Variants in DCAKD observed in about 807,000 individuals in gnomAD.
DCAKD encodes dephospho-CoA kinase domain containing, also known as dephospho-CoA kinase domain-containing protein.
A neutral mutation model predicts 18.7 loss-of-function variants in DCAKD; 15 were observed. The ratio of observed to expected loss-of-function variants is 0.80; its 90% CI spans 0.54 to 1.24. The LOEUF (loss-of-function observed/expected upper bound fraction) is 1.24. DCAKD is among the 50% of genes most tolerant of loss of function. DCAKD has a pLI of 0.00. For missense variants in DCAKD, 301 were observed against 322.0 expected, an observed-to-expected ratio of 0.93 and a Z score of 0.50; for synonymous variants, 130 against 133.0, an observed-to-expected ratio of 0.98 and a Z score of 0.16.
chr17:45,033,509 C>T (rs192807832), intron 3 of DCAKD, among the ~76,000 whole-genome samples: 1 of 152,128 alleles, frequency 6.6e-6, no homozygotes, highest in Admixed American at 6.6e-5. Context: ...GTTGCCCAGA[C>T]AGTCTGAGTA....
intron 1 of DCAKD, among the ~76,000 whole-genome samples, chr17:45,043,711 G>A (rs59963802): frequency 3.9e-5 from 6 of 152,166 alleles, no homozygotes; most frequent in Non-Finnish European, 4.4e-5. Flanking sequence ...GGACTTGTCC[G>A]AATCATTCTT....
rs531179670 is a variant in DCAKD at position 45,030,904 on chromosome 17, C to A, written c.317-725G>T. 119 of 920,128 alleles carry A rather than the reference C, an allele frequency of 1.3e-4. No individual in the cohort carries two copies. In the African/African-American group the frequency reaches 1.8e-3, roughly 14 times the overall value. 57.0% of individuals were successfully genotyped at this position (920,128 alleles called of 1,614,324 possible). On this transcript the variant is annotated intron_variant, in intron 3 of 4. Coordinates refer to ENST00000651974, the MANE Select transcript of DCAKD (RefSeq NM_001288655.2). ...TAAAAGGCACTGGCTGGACCTCCCACCACAAGCCAAGGCCAGTCAAGGGCA... is the reference window on the plus strand; with the variant it reads ...TAAAAGGCACTGGCTGGACCTCCCAACACAAGCCAAGGCCAGTCAAGGGCA...
chr17:45,032,756 C>T (rs1399527584), intron 3 of DCAKD, among the ~76,000 whole-genome samples: 1 of 118,482 alleles, frequency 8.4e-6, no homozygotes, highest in East Asian at 2.0e-4. Context: ...GCACTCCAGC[C>T]TGGTGACAGA....
intron 3 of DCAKD, chr17:45,031,618 C>T (rs2143207077): frequency 1.1e-5 from 11 of 985,378 alleles, no homozygotes; most frequent in South Asian, 4.7e-5. Context: ...AAGACTAGAT[C>T]CTCTCCGGGC....
intron 3 of DCAKD, chr17:45,031,161 C>G: frequency 1.0e-6 from 1 of 985,410 alleles, no homozygotes; most frequent in Non-Finnish European, 1.2e-6. Flanking sequence ...AAGCACAGAA[C>G]CAGACACACA....
At chr17:45,038,817 C>T (rs1421391325) in intron 1 of DCAKD, among the ~76,000 whole-genome samples, 1 of 152,072 alleles carries the variant, frequency 6.6e-6, no homozygotes, top group Non-Finnish European at 1.5e-5. Flanking sequence ...CAGGGAGGCT[C>T]CGGGTCCCCA....
At chr17:45,057,187 G>A (rs1156450425) in intron 1 of DCAKD, among the ~76,000 whole-genome samples, 1 of 152,076 alleles carries the variant, frequency 6.6e-6, no homozygotes, top group East Asian at 2.0e-4. Flanking sequence ...AGAACCATAG[G>A]TGCATGCCAC....
intron 1 of DCAKD, among the ~76,000 whole-genome samples, chr17:45,037,821 C>A (rs2053338217): frequency 6.8e-6 from 1 of 147,730 alleles, no homozygotes; most frequent in African/African-American, 2.5e-5. Context: ...GGCTGGAGTG[C>A]AGTGGTGTGA....
At chr17:45,057,786 G>A (rs904551324) in intron 1 of DCAKD, among the ~76,000 whole-genome samples, 5 of 151,578 alleles carry the variant, frequency 3.3e-5, no homozygotes, top group Non-Finnish European at 5.9e-5. Context: ...CGAGGTGGGC[G>A]GATCACCTGA....
chr17:45,056,259 C>G (rs12601574), upstream of DCAKD, among the ~76,000 whole-genome samples: 77,061 of 151,520 alleles, frequency 0.51, 19,993 homozygotes, highest in Middle Eastern at 0.58. Flanking sequence ...GGTTATCATA[C>G]CAGTAATGCT....
chr17:45,031,326 G>A, intron 3 of DCAKD: 1 of 985,348 alleles, frequency 1.0e-6, no homozygotes, highest in Non-Finnish European at 1.2e-6. Flanking sequence ...GAACAAGGGG[G>A]TTAAAACCAT....
chr17:45,030,671 C>T (rs2053156593), intron 3 of DCAKD, among the ~76,000 whole-genome samples: 1 of 152,216 alleles, frequency 6.6e-6, no homozygotes, highest in African/African-American at 2.4e-5. Context: ...ATAGGTTCTC[C>T]CCAAAGAGCC....
chr17:45,032,415 C>A (rs968453590), intron 3 of DCAKD, among the ~76,000 whole-genome samples: 19 of 149,310 alleles, frequency 1.3e-4, no homozygotes, highest in Non-Finnish European at 1.8e-4. Flanking sequence ...GTATTGGCCA[C>A]AGGGGGATGA....
exon 1 of DCAKD, chr17:45,061,009 A>T: frequency 9.0e-7 from 1 of 1,115,312 alleles, no homozygotes; most frequent in Non-Finnish European, 1.1e-6. Flanking sequence ...ACCCTAAACC[A>T]GCATCGAACT....
chr17:45,031,063 G>A (rs766842005), intron 3 of DCAKD: 2 of 985,420 alleles, frequency 2.0e-6, no homozygotes, highest in Non-Finnish European at 2.4e-6. Context: ...AAGGGTAAGA[G>A]ATAGGAAAAT....
rs763891925 is a variant in DCAKD at position 45,030,150 on chromosome 17, G to A, written c.346C>T (p.Leu116=). 6.2e-7 allele frequency: 1 copy of A among 1,614,140 alleles called. No individual in the cohort carries two copies. Among genetic ancestry groups the A allele is most frequent in the South Asian group, 1.1e-5 (1 of 91,086 alleles). ...AGCAACTTCTTGGTCTCAAACAGCA[G>A]GGGGATATCCAGAATCACGTAGCGG... is the stretch of plus-strand genomic sequence containing the variant. ...GYRYVILDIP[L]LFETKKLLKY... is the part of the protein sequence containing the mutation. Residue 116 remains leucine, a synonymous_variant, in exon 4 of 5, where the codon CTG becomes TTG. Transcript: ENST00000651974.
chr17:45,024,644 T>C lies in DCAKD; in HGVS notation c.485A>G (p.Gln162Arg), dbSNP rs749665858. The change falls in exon 5 of 5, where the codon CAG becomes CGG. Residue 162 changes from glutamine (Q) to arginine (R), a missense_variant. Transcript: ENST00000651974. ...RKDAEARINA[Q>R]LPLTDKARMA... ...GCGGGCCTTGTCTGTCAGGGGCAGC[T>C]GGGCATTGATGCGGGCCTCTGCGTC... 6.2e-7 allele frequency: 1 copy of C among 1,612,928 alleles called. No homozygotes were observed. Among genetic ancestry groups the C allele is most frequent in the Non-Finnish European group, 8.5e-7 (1 of 1,179,094 alleles).
intron 1 of DCAKD, among the ~76,000 whole-genome samples, chr17:45,036,055 C>T (rs1208915967): frequency 1.3e-5 from 2 of 152,156 alleles, no homozygotes; most frequent in Admixed American, 1.3e-4. Context: ...TTTGAGCTGG[C>T]GTCGTGGTTT....
chr17:45,034,487 G>C, intron 2 of DCAKD, 97 bp from the exon 3 acceptor site: 1 of 1,401,830 alleles, frequency 7.1e-7, no homozygotes, highest in South Asian at 1.2e-5. Context: ...GAACTCGGGT[G>C]CTTCTTTCAG....
Sources: allele counts gnomAD v4.1 joint callset (sites outside exome capture counted in the v4.1 genomes callset), GRCh38; gene constraint gnomAD v4.1.1; transcripts MANE v1.5; gene names NCBI Gene and HGNC (gene_info 2026-07-23, HGNC 2026-07-21).